CEP72: variants seen among roughly 807,000 people sequenced by gnomAD.
The protein encoded by CEP72 is centrosomal protein of 72 kDa.
CEP72 carries 78 observed loss-of-function variants against 65.7 expected under a neutral mutation model. That is an observed-to-expected ratio of 1.19 (90% CI 0.99 to 1.43). The LOEUF is 1.43. Ranked by LOEUF, CEP72 falls within the 40% of genes most tolerant of loss-of-function variation. CEP72 has a pLI of 0.00. For missense variants in CEP72, 914 were observed against 832.9 expected (o/e 1.10, Z -1.20); for synonymous variants, 358 against 351.7 (o/e 1.02, Z -0.20).
chr5:635,677 G>A (rs1579978727), intron 6 of CEP72, 93 bp downstream of exon 6: 1 of 1,068,170 alleles, frequency 9.4e-7, no homozygotes, highest in East Asian at 2.4e-5. Context: ...TGTGGCTCAT[G>A]GTTCTGGAGG....
intron 11 of CEP72, among the ~76,000 whole-genome samples, chr5:648,721 G>A (rs1033108491): frequency 7.3e-6 from 1 of 136,480 alleles, no homozygotes; most frequent in African/African-American, 2.9e-5. Context: ...TGACTGTGAG[G>A]CGTGACTGTG....
chr5:638,355 G>A (rs963897945), intron 7 of CEP72, among the ~76,000 whole-genome samples: 8 of 152,108 alleles, frequency 5.3e-5, no homozygotes, highest in Admixed American at 3.3e-4. Context: ...GACAACTGGC[G>A]CAGGCCCAGT....
At position 623,437 on chromosome 5, in the gene CEP72, G is replaced by A. The variant is rs886549407; in HGVS notation, c.404-1034G>A. 6.6e-6 allele frequency among the ~76,000 whole-genome samples: 1 copy of A among 152,246 alleles called. No homozygotes were observed. Among genetic ancestry groups the A allele is most frequent in the Non-Finnish European group, 1.5e-5 (1 of 68,044 alleles). ...AAGGGCCTGCGTGTGGGATGGAGGC[G>A]GCGTCTGGAGAGACCTTGCCAGCAG... On this transcript the variant is annotated intron_variant, in intron 3 of 11. Coordinates refer to ENST00000264935, the MANE Select transcript of CEP72 (RefSeq NM_018140.4). This position sits in a 1 kb window ranked among gnomAD's most constrained non-coding sequence, Gnocchi z 5.3.
At chr5:671,307 C>G (rs1740215225), downstream of CEP72, among the ~76,000 whole-genome samples, 1 of 152,098 alleles carries the variant, frequency 6.6e-6, no homozygotes, top group Non-Finnish European at 1.5e-5. Flanking sequence ...GAAGAGGTGG[C>G]CCTTGGTGGG....
At chr5:644,621 G>A (rs1738293748) in intron 10 of CEP72, among the ~76,000 whole-genome samples, 196 bp downstream of exon 10, 2 of 152,150 alleles carry the variant, frequency 1.3e-5, no homozygotes, top group Admixed American at 1.3e-4. Flanking sequence ...CGTGTGTCTG[G>A]GGCAGTCCTG....
chr5:629,033 G>A (rs1358953452), intron 4 of CEP72, among the ~76,000 whole-genome samples: 2 of 152,262 alleles, frequency 1.3e-5, no homozygotes, highest in Non-Finnish European at 2.9e-5. Context: ...CAGGCCCCGG[G>A]GAGTGGGACT....
In CEP72 at chr5:644,368, A is replaced by G. The variant is rs757656784; in HGVS notation, c.1609A>G (p.Met537Val). The G allele has an allele frequency of 4.3e-6, 7 of 1,613,856 alleles. No homozygotes were observed. Among genetic ancestry groups the G allele is most frequent in the South Asian group, 1.1e-5 (1 of 91,092 alleles). Residue 537 changes from methionine to valine, a missense_variant, in exon 10 of 12, where the codon ATG becomes GTG. Transcript: ENST00000264935. ...NSRLKSLLLS[M>V]KKEVKSADTA... is the part of the protein sequence containing the mutation. ...TAGGTTAAAATCGCTTTTGTTGAGT[A>G]TGAAAAAGGAAGTGAAGAGTGCAGA...
In CEP72 at chr5:637,752, C is replaced by G. The variant is rs1260054699; in HGVS notation, c.1140C>G (p.Thr380=). The part of the protein sequence containing the change: ...QDSSESRNGR[T]LSQPEASETE... The stretch of plus-strand genomic sequence containing the variant: ...GCTCAGAAAGCAGGAACGGGAGGAC[C>G]TTGTCTCAGCCTGAGGCCTCGGAGA... Residue 380 remains threonine, a synonymous_variant, in exon 7 of 12, where the codon ACC becomes ACG. Transcript: ENST00000264935. 5 of 1,611,542 alleles carry G rather than the reference C, an allele frequency of 3.1e-6. No individual in the cohort carries two copies. The Admixed American group carries it at 5.0e-5, about 16-fold the overall frequency.
intron 11 of CEP72, among the ~76,000 whole-genome samples, chr5:649,418 A>G (rs1344131451): frequency 1.8e-5 from 2 of 111,166 alleles, no homozygotes; most frequent in African/African-American, 7.6e-5. Context: ...GTGGACTGTG[A>G]GGCGTGGACT....
intron 2 of CEP72, chr5:663,901 C>T (rs1014809132): frequency 3.9e-5 from 6 of 152,476 alleles, no homozygotes; most frequent in South Asian, 2.1e-4. Flanking sequence ...TGGCCACACC[C>T]GTCAGCCTCC....
At chr5:641,112 C>T (rs976845577) in intron 9 of CEP72, 109 of 985,062 alleles carry the variant, frequency 1.1e-4, no homozygotes, top group Admixed American at 2.5e-4. Flanking sequence ...TCCCTCCTTC[C>T]GTCTCAGCCG....
intron 1 of CEP72, among the ~76,000 whole-genome samples, chr5:616,688 G>T (rs936154364): frequency 6.6e-6 from 1 of 152,114 alleles, no homozygotes; most frequent in Non-Finnish European, 1.5e-5. Context: ...GACCCTACTG[G>T]CTGGGAGAGT....
chr5:672,605 T>G, the CEP72 span, among the ~76,000 whole-genome samples: 14 of 152,228 alleles, frequency 9.2e-5, no homozygotes, highest in Middle Eastern at 3.4e-3. Flanking sequence ...TTTGGTGCAG[T>G]TGGGGAGGCA....
chr5:613,321 G>T (rs779422300), intron 1 of CEP72, among the ~76,000 whole-genome samples: 1 of 152,142 alleles, frequency 6.6e-6, no homozygotes, highest in African/African-American at 2.4e-5. Context: ...GCTGGCAGGG[G>T]CCCAGCAGGG....
At chr5:614,176 C>T (rs72703100) in intron 1 of CEP72, among the ~76,000 whole-genome samples, 19,735 of 152,088 alleles carry the variant, frequency 0.13, 1,634 homozygotes, top group Non-Finnish European at 0.19. Flanking sequence ...CAGTGTTTTT[C>T]TAGTTTCAAA....
intron 1 of CEP72, among the ~76,000 whole-genome samples, chr5:613,705 C>G (rs1735822893): frequency 1.3e-5 from 2 of 152,136 alleles, no homozygotes. Flanking sequence ...CTGTGAGGAG[C>G]TGGAAGATTG....
Position 653,009 on chromosome 5 carries a change from A to T in CEP72, c.1800A>T (p.Glu600Asp). ...GCAGCTCCCTGGTCAGCACCAATGA[A>T]CACCTGCTGCAGGAGCTGAGCCAGG... is the stretch of plus-strand genomic sequence containing the variant. ...ESHSSLVSTN[E>D]HLLQELSQVR... The change falls in exon 12 of 12, where the codon GAA becomes GAT. Residue 600 changes from glutamate (E) to aspartate (D), a missense_variant. Transcript: ENST00000264935. 6.2e-7 allele frequency: 1 copy of T among 1,612,690 alleles called. No individual in the cohort carries two copies. Among genetic ancestry groups the T allele is most frequent in the Non-Finnish European group, 8.5e-7 (1 of 1,179,468 alleles).
intron 11 of CEP72, among the ~76,000 whole-genome samples, chr5:649,702 G>A (rs1272176840): frequency 1.2e-5 from 1 of 82,978 alleles, no homozygotes; most frequent in African/African-American, 5.2e-5. Flanking sequence ...ACTGTGAGGC[G>A]TGGACTGTGA....
chr5:622,464 G>A (rs955616439), intron 3 of CEP72, among the ~76,000 whole-genome samples: 6 of 152,234 alleles, frequency 3.9e-5, no homozygotes, highest in African/African-American at 1.4e-4. Flanking sequence ...AGGGCTGGGA[G>A]GCACTCAGGG....
Sources: gnomAD v4.1 joint callset for allele counts (sites outside exome capture counted in the v4.1 genomes callset) on GRCh38, gnomAD v4.1.1 for gene constraint, Gnocchi (gnomAD v3.1) non-coding constraint, MANE v1.5 for transcripts, NCBI Gene and HGNC (gene_info 2026-07-23, HGNC 2026-07-21) for gene names.